Variants in ZPLD1 observed in about 807,000 individuals in gnomAD.
ZPLD1 encodes zona pellucida-like domain-containing protein 1.
A neutral mutation model predicts 47.2 loss-of-function variants in ZPLD1; 34 were observed. The observed-to-expected ratio is 0.72, with a 90% confidence interval of 0.55 to 0.96. ZPLD1 has a LOEUF of 0.96. ZPLD1 is among the 40% of genes least tolerant of loss of function. The pLI, the probability that ZPLD1 is intolerant of heterozygous loss-of-function variation, is 0.00. For missense variants in ZPLD1, 512 were observed against 505.8 expected (o/e 1.01, Z -0.12); for synonymous variants, 176 against 186.2 (o/e 0.95, Z 0.45).
At chr3:102,420,032 C>G (rs575783601) in intron 8 of ZPLD1, among the ~76,000 whole-genome samples, 2 of 151,566 alleles carry the variant, frequency 1.3e-5, no homozygotes, top group Non-Finnish European at 2.9e-5. Flanking sequence ...AACAGCTTTA[C>G]CAAGATATGA....
At chr3:102,391,619 C>G (rs1441531607) in intron 6 of ZPLD1, among the ~76,000 whole-genome samples, 1 of 152,030 alleles carries the variant, frequency 6.6e-6, no homozygotes, top group Non-Finnish European at 1.5e-5. Context: ...TAGCCAGAAC[C>G]TTCTTACTAG....
At chr3:102,389,038 C>T (rs1706467231) in intron 6 of ZPLD1, among the ~76,000 whole-genome samples, 3 of 152,140 alleles carry the variant, frequency 2.0e-5, no homozygotes, top group Admixed American at 6.6e-5. Flanking sequence ...TTCTTTATCC[C>T]CACATCATCA....
chr3:102,403,795 C>T lies in ZPLD1; in HGVS notation c.-157+11570C>T, dbSNP rs912312976. On this transcript the variant is annotated intron_variant, in intron 7 of 17. Transcript: ENST00000491959. ...CATATTGGAGGATGTGAGTAACAGGCGGTGTGAATTGAGAAGGTTCTACTC... is the reference window on the plus strand; with the variant it reads ...CATATTGGAGGATGTGAGTAACAGGTGGTGTGAATTGAGAAGGTTCTACTC... Among the ~76,000 whole-genome samples the T allele has an allele frequency of 1.5e-4, 23 of 151,928 alleles. No homozygotes were observed. The South Asian group carries it at 1.7e-3, about 11-fold the overall frequency.
At chr3:102,391,759 G>A (rs1706498185) in intron 6 of ZPLD1, among the ~76,000 whole-genome samples, 1 of 152,074 alleles carries the variant, frequency 6.6e-6, no homozygotes, top group Admixed American at 6.6e-5. Flanking sequence ...AGCAAAATAA[G>A]TGATTATAAT....
chr3:102,387,139 T>C (rs1345356337), intron 6 of ZPLD1, among the ~76,000 whole-genome samples: 1 of 152,212 alleles, frequency 6.6e-6, no homozygotes, highest in Admixed American at 6.5e-5. Context: ...GTAAATTAAC[T>C]GTGAGCTGGG....
chr3:102,425,264 G>T (rs1308326223), intron 8 of ZPLD1, among the ~76,000 whole-genome samples: 5 of 152,016 alleles, frequency 3.3e-5, no homozygotes, highest in Non-Finnish European at 7.4e-5. Context: ...AAGTCTTTGG[G>T]TAGAGACAGT....
At chr3:102,401,145 G>A (rs954641742) in intron 7 of ZPLD1, among the ~76,000 whole-genome samples, 1 of 152,018 alleles carries the variant, frequency 6.6e-6, no homozygotes, top group African/African-American at 2.4e-5. Flanking sequence ...GAGAAAATTA[G>A]GATTATATCG....
chr3:102,460,022 C>T (rs1161636284), intron 6 of ZPLD1, among the ~76,000 whole-genome samples: 1 of 151,920 alleles, frequency 6.6e-6, no homozygotes, highest in East Asian at 1.9e-4. Flanking sequence ...TAGTATTTTG[C>T]CATTTTACAG....
At chr3:102,396,687 G>A (rs1455803060) in intron 7 of ZPLD1, among the ~76,000 whole-genome samples, 1 of 152,044 alleles carries the variant, frequency 6.6e-6, no homozygotes, top group Admixed American at 6.6e-5. Context: ...CGGTGGCAGA[G>A]GCAGCATTCA....
Position 102,452,982 on chromosome 3 carries a change from C to T in ZPLD1, c.170C>T (p.Thr57Met), listed in dbSNP as rs201654786. 74 of 1,614,012 alleles carry T rather than the reference C, an allele frequency of 4.6e-5. No individual in the cohort carries two copies. The highest frequency in any genetic ancestry group is 3.3e-5 in the Admixed American group (2 of 60,000). ...ATTACGATGAAGATTAATTTTTGCA[C>T]GGTACTTTTCTCGGGTTATTCGGAA... is the stretch of plus-strand genomic sequence containing the variant. ...QAITMKINFC[T>M]VLFSGYSETD... Residue 57 changes from threonine to methionine, a missense_variant, in exon 4 of 12, where the codon ACG becomes ATG. By Grantham distance (81) the Thr-to-Met change is moderately conservative. Transcript: ENST00000466937.
chr3:102,395,200 G>A lies in ZPLD1; in HGVS notation c.-157+2975G>A, dbSNP rs541389213. ...TAGGCAAATAACAGACTCCAAAAAC[G>A]TCCATGTCCTAATCCCCATAACCTA... On this transcript the variant is annotated intron_variant, in intron 7 of 17. Coordinates refer to the ZPLD1 transcript ENST00000491959. Among the ~76,000 whole-genome samples the A allele has an allele frequency of 5.3e-5, 8 of 151,904 alleles. No individual in the cohort carries two copies. The South Asian group carries it at 1.0e-3, about 20-fold the overall frequency.
chr3:102,440,704 T>A (rs1707163178), intron 3 of ZPLD1, among the ~76,000 whole-genome samples: 1 of 125,868 alleles, frequency 7.9e-6, no homozygotes, highest in Non-Finnish European at 1.7e-5. Context: ...GAAAATAGAC[T>A]ACTATTTAGA....
intron 7 of ZPLD1, among the ~76,000 whole-genome samples, chr3:102,403,396 A>G (rs1461039641): frequency 1.3e-5 from 2 of 151,892 alleles, no homozygotes; most frequent in East Asian, 3.9e-4. Context: ...TCTCTGACAT[A>G]TCCTCTTCTT....
chr3:102,428,053 A>G (rs1318282968), intron 8 of ZPLD1, among the ~76,000 whole-genome samples: 1 of 152,214 alleles, frequency 6.6e-6, no homozygotes, highest in Admixed American at 6.5e-5. Flanking sequence ...AGTCACATCA[A>G]ACTGGCATTT....
chr3:102,419,294 C>T (rs2107304847), intron 8 of ZPLD1, among the ~76,000 whole-genome samples: 1 of 151,662 alleles, frequency 6.6e-6, no homozygotes, highest in East Asian at 1.9e-4. Flanking sequence ...ATAATTGTGC[C>T]TAGTTTTGTA....
At chr3:102,453,240 A>G in intron 4 of ZPLD1, 101 bp downstream of exon 4, 1 of 1,089,950 alleles carries the variant, frequency 9.2e-7, no homozygotes, top group South Asian at 1.5e-5. Context: ...TTGAGAAAAA[A>G]AATAAAATTG....
chr3:102,436,800 A>G, intron 1 of ZPLD1, 60 bp from the exon 2 acceptor site: 1 of 721,914 alleles, frequency 1.4e-6, no homozygotes, highest in African/African-American at 1.9e-5. Context: ...TTAGCTAGAA[A>G]GCATTTCAGA....
At chr3:102,459,609 A>G (rs1382511860) in intron 6 of ZPLD1, among the ~76,000 whole-genome samples, 1 of 152,186 alleles carries the variant, frequency 6.6e-6, no homozygotes, top group East Asian at 1.9e-4. Context: ...TAACCTTAAT[A>G]TTTTAATTAT....
intron 3 of ZPLD1, among the ~76,000 whole-genome samples, chr3:102,439,350 C>T (rs889747373): frequency 1.3e-5 from 2 of 152,196 alleles, no homozygotes; most frequent in African/African-American, 4.8e-5. Context: ...AACAGCAAAC[C>T]TGCATAGAGC....
Sources: allele counts gnomAD v4.1 joint callset (sites outside exome capture counted in the v4.1 genomes callset), GRCh38; gene constraint gnomAD v4.1.1; transcripts MANE v1.5; gene names NCBI Gene and HGNC (gene_info 2026-07-23, HGNC 2026-07-21).